The following ZC3H12D variants were observed in gnomAD, a reference collection of about 807,000 sequenced individuals.
ZC3H12D encodes the protein probable ribonuclease ZC3H12D.
Under a neutral mutation model 24.2 loss-of-function variants are expected in ZC3H12D, and 11 were observed. That is an observed-to-expected ratio of 0.46 (90% confidence interval 0.29 to 0.75). ZC3H12D has a LOEUF of 0.75. Ranked by LOEUF, ZC3H12D falls within the 30% of genes least tolerant of loss-of-function variation. The pLI is 0.11. For synonymous variants in ZC3H12D, 333 were observed against 341.8 expected, an observed-to-expected ratio of 0.97 and a Z score of 0.28; for missense variants, 740 against 767.7, an observed-to-expected ratio of 0.96 and a Z score of 0.43.
In ZC3H12D at chr6:149,456,885, G is replaced by A. The variant is rs778288005; in HGVS notation, c.461C>T (p.Ala154Val). 1.9e-6 allele frequency: 3 copies of A among 1,602,130 alleles called. No individual in the cohort carries two copies. The highest frequency in any genetic ancestry group is 1.1e-5 in the South Asian group (1 of 91,008). The change falls in exon 4 of 6, where the codon GCG (alanine) becomes GTG (valine). Residue 154 changes from alanine (A) to valine (V), a missense_variant. Transcript: ENST00000409806. The surrounding 1 kb of genome is among the most constrained non-coding windows in gnomAD (Gnocchi z 4.3). ...CAGCACCGCCTGCCGCTCCAGCTCC[G>A]CCAGCACGTGCTGCTCTGAGGGCGG... Reference protein sequence around the residue: ...DTPIREQHVLAELERQAVLVY... With the variant: ...DTPIREQHVLVELERQAVLVY...
intron 2 of ZC3H12D, among the ~76,000 whole-genome samples, chr6:149,468,106 C>T (rs1364456806): frequency 2.0e-5 from 3 of 152,166 alleles, no homozygotes; most frequent in Non-Finnish European, 2.9e-5. Flanking sequence ...CTCAGCCTCC[C>T]GAGTAGCTGG....
intron 2 of ZC3H12D, among the ~76,000 whole-genome samples, chr6:149,471,003 G>T (rs1265550215): frequency 1.3e-5 from 2 of 152,170 alleles, no homozygotes; most frequent in Non-Finnish European, 2.9e-5. Context: ...AGCAAAACTG[G>T]GGGCAGCCAT....
chr6:149,476,713 C>T (rs975900306), intron 1 of ZC3H12D, among the ~76,000 whole-genome samples: 14 of 152,032 alleles, frequency 9.2e-5, no homozygotes, highest in Non-Finnish European at 1.5e-4. Context: ...GAGGCTGAGA[C>T]GGGAAAATCA....
chr6:149,477,933 C>T (rs1401283777), intron 1 of ZC3H12D, among the ~76,000 whole-genome samples: 1 of 152,066 alleles, frequency 6.6e-6, no homozygotes, highest in Non-Finnish European at 1.5e-5. Context: ...CTTTGGGAGG[C>T]TGAGGCGGGC....
chr6:149,454,296 G>T (rs1775945681), intron 4 of ZC3H12D, among the ~76,000 whole-genome samples: 1 of 152,216 alleles, frequency 6.6e-6, no homozygotes, highest in South Asian at 2.1e-4. Flanking sequence ...AAATACTTTT[G>T]TTCCCAAGGC....
At position 149,456,623 on chromosome 6, in the gene ZC3H12D, G is replaced by GGGGAAGGACCC; in HGVS notation, c.680+42_680+43insGGGTCCTTCCC. 1 of 744,590 alleles carries GGGGAAGGACCC rather than the reference G, an allele frequency of 1.3e-6. No homozygotes were observed. The highest frequency in any genetic ancestry group is 2.2e-6 in the Non-Finnish European group (1 of 456,108). The allele number at this position is 744,590 out of a possible 1,614,324, so 46.1% of individuals were successfully genotyped here. A position where few individuals can be genotyped will look rare whatever the true frequency, so the allele number is the denominator to read the frequency against. On this transcript the variant is annotated intron_variant, in intron 4 of 5. Coordinates refer to ENST00000409806, the MANE Select transcript of ZC3H12D (RefSeq NM_207360.3). The surrounding 1 kb of genome is among the most constrained non-coding windows in gnomAD (Gnocchi z 4.3). Reference sequence around the variant, plus strand: ...GCCACTGCCTCGACCCCGGCCCCCCGCCCCGCCGCCCCCCAGGGTGTCAGG... The same window carrying GGGGAAGGACCC: ...GCCACTGCCTCGACCCCGGCCCCCCGGGGAAGGACCCCCCCGCCGCCCCCCAGGGTGTCAGG...
intron 2 of ZC3H12D, among the ~76,000 whole-genome samples, chr6:149,465,934 G>A (rs1776154710): frequency 7.0e-6 from 1 of 143,536 alleles, no homozygotes; most frequent in Non-Finnish European, 1.5e-5. Flanking sequence ...CTGTGAACAA[G>A]AGGCTGAACC....
Position 149,450,457 on chromosome 6 carries a change from A to C in ZC3H12D, c.*226T>G. 3 of 513,442 alleles carry C rather than the reference A, an allele frequency of 5.8e-6. No individual in the cohort carries two copies. Among genetic ancestry groups the C allele is most frequent in the East Asian group, 3.2e-5 (1 of 31,080 alleles). 31.8% of individuals were successfully genotyped at this position (513,442 alleles called of 1,614,324 possible). A position where few individuals can be genotyped will look rare whatever the true frequency, so the allele number is the denominator to read the frequency against. ...CATGGAAAATCATTCCCTCCACGGAAGTGGGTGGACCTCCCCGCAGCAGGC... is the reference window on the plus strand; with the variant it reads ...CATGGAAAATCATTCCCTCCACGGACGTGGGTGGACCTCCCCGCAGCAGGC... On this transcript the variant is annotated 3_prime_UTR_variant, in exon 6 of 6. Transcript: ENST00000409806.
At position 149,447,923 on chromosome 6, in the gene ZC3H12D, A is replaced by G. The variant is rs936471467; in HGVS notation, c.*2760T>C. The G allele has an allele frequency of 2.0e-5, 3 of 152,250 alleles. No individual in the cohort carries two copies. The highest frequency in any genetic ancestry group is 3.8e-4 in the East Asian group (2 of 5,208). 9.4% of individuals were successfully genotyped at this position (152,250 alleles called of 1,614,324 possible). ...AAAATCAGCAACACAATGATTCTAC[A>G]TCAGGAAATCGAACCAGGGAGACAA... On this transcript the variant is annotated 3_prime_UTR_variant, in exon 6 of 6. Coordinates refer to ENST00000409806, the MANE Select transcript of ZC3H12D (RefSeq NM_207360.3).
intron 4 of ZC3H12D, among the ~76,000 whole-genome samples, chr6:149,454,842 G>C (rs1775955229): frequency 6.6e-6 from 1 of 152,250 alleles, no homozygotes; most frequent in Admixed American, 6.5e-5. Flanking sequence ...AGAGCCGCTG[G>C]CCTTTTGTAG....
intron 2 of ZC3H12D, among the ~76,000 whole-genome samples, chr6:149,471,106 G>A (rs1436335447): frequency 2.0e-5 from 3 of 152,252 alleles, no homozygotes; most frequent in Non-Finnish European, 4.4e-5. Context: ...AATGAGGAAT[G>A]ATGCCAGTAG....
chr6:149,465,992 C>G (rs546273021), intron 2 of ZC3H12D, among the ~76,000 whole-genome samples: 2 of 152,196 alleles, frequency 1.3e-5, no homozygotes, highest in African/African-American at 4.8e-5. Flanking sequence ...CTCAGAGAAA[C>G]CAGGTTTCTG....
intron 1 of ZC3H12D, 79 bp from the exon 2 acceptor site, chr6:149,474,692 C>T (rs1295608927): frequency 9.4e-6 from 6 of 641,552 alleles, no homozygotes; most frequent in Non-Finnish European, 1.4e-5. Flanking sequence ...GCGCTGGCTC[C>T]CTCCCGGCCT....
Position 149,451,050 on chromosome 6 carries a change from G to T in ZC3H12D, c.1217C>A (p.Pro406Gln), listed in dbSNP as rs745654396. ...SQFSPGDLPP[P>Q]PGLQLQPRGE... Reference sequence around the variant, plus strand: ...CCGCGGCTGGAGCTGCAGGCCGGGCGGAGGCGGGAGGTCGCCCGGGGAGAA... The same window carrying T: ...CCGCGGCTGGAGCTGCAGGCCGGGCTGAGGCGGGAGGTCGCCCGGGGAGAA... Residue 406 changes from proline (P) to glutamine (Q), a missense_variant, in exon 6 of 6, where the codon CCG (proline) becomes CAG (glutamine). By Grantham distance (76) the Pro-to-Gln change is moderately conservative (BLOSUM62 -1). Coordinates refer to ENST00000409806, the MANE Select transcript of ZC3H12D (RefSeq NM_207360.3). The T allele has an allele frequency of 1.6e-5, 23 of 1,416,842 alleles. No individual in the cohort carries two copies. The Admixed American group carries it at 6.7e-4, about 41-fold the overall frequency. The allele number at this position is 1,416,842 out of a possible 1,614,324, so 87.8% of individuals were successfully genotyped here. A position where few individuals can be genotyped will look rare whatever the true frequency, so the allele number is the denominator to read the frequency against.
rs1288929730 is a variant in ZC3H12D, at chr6:149,459,596, G to C, written c.445+2235C>G. On this transcript the variant is annotated intron_variant, in intron 3 of 5. Transcript: ENST00000409806. Reference sequence around the variant, plus strand: ...GATGGAGTGGAAGTCGGGCAAAATCGGGATGACTAACAGGTGAGCTGAGCT... The same window carrying C: ...GATGGAGTGGAAGTCGGGCAAAATCCGGATGACTAACAGGTGAGCTGAGCT... 7.2e-6 allele frequency: 5 copies of C among 693,590 alleles called. No individual in the cohort carries two copies. The South Asian group carries it at 7.4e-5, about 10-fold the overall frequency. 43.0% of individuals were successfully genotyped at this position (693,590 alleles called of 1,614,324 possible).
intron 1 of ZC3H12D, among the ~76,000 whole-genome samples, chr6:149,483,730 T>C (rs968623102): frequency 3.9e-5 from 6 of 152,100 alleles, no homozygotes; most frequent in African/African-American, 1.4e-4. Context: ...TTTTATTTTT[T>C]GTAGAGATGG....
Position 149,456,627 on chromosome 6 carries a change from C to CCCCCCCCCCCCCCGGGGGGGG in ZC3H12D, c.680+38_680+39insCCCCCCCCGGGGGGGGGGGGG. On this transcript the variant is annotated intron_variant, in intron 4 of 5. Coordinates refer to ENST00000409806, the MANE Select transcript of ZC3H12D (RefSeq NM_207360.3). The surrounding 1 kb of genome is among the most constrained non-coding windows in gnomAD (Gnocchi z 4.3). ...CTGCCTCGACCCCGGCCCCCCGCCCCGCCGCCCCCCAGGGTGTCAGGACCC... is the reference window on the plus strand; with the variant it reads ...CTGCCTCGACCCCGGCCCCCCGCCCCCCCCCCCCCCCCCGGGGGGGGGCCGCCCCCCAGGGTGTCAGGACCC... The CCCCCCCCCCCCCCGGGGGGGG allele has an allele frequency of 2.9e-6, 4 of 1,403,078 alleles. No homozygotes were observed. Among genetic ancestry groups the CCCCCCCCCCCCCCGGGGGGGG allele is most frequent in the Non-Finnish European group, 3.0e-6 (3 of 997,688 alleles). The allele number at this position is 1,403,078 out of a possible 1,614,324, so 86.9% of individuals were successfully genotyped here.
chr6:149,484,189 A>C (rs1776467091), intron 1 of ZC3H12D, among the ~76,000 whole-genome samples: 1 of 152,236 alleles, frequency 6.6e-6, no homozygotes. Flanking sequence ...AGAAAAGCTC[A>C]TAATCTTGGG....
At chr6:149,457,704 T>TTCTTATCAGAGCC (rs1776006205) in intron 3 of ZC3H12D, among the ~76,000 whole-genome samples, 1 of 152,156 alleles carries the variant, frequency 6.6e-6, no homozygotes, top group African/African-American at 2.4e-5. Flanking sequence ...TACAAGGCCT[T>TTCTTATCAGAGCC]TCTTATCAGA....
Sources: allele counts gnomAD v4.1 joint callset (sites outside exome capture counted in the v4.1 genomes callset), GRCh38; gene constraint gnomAD v4.1.1; non-coding constraint Gnocchi (gnomAD v3.1); transcripts MANE v1.5; gene names NCBI Gene and HGNC (gene_info 2026-07-23, HGNC 2026-07-21).